The following FAP variants were observed in gnomAD, a reference collection of about 807,000 sequenced individuals.
The protein encoded by FAP is prolyl endopeptidase FAP.
In FAP, 110 loss-of-function variants were observed where a neutral mutation model predicts 126.5. That is an observed-to-expected ratio of 0.87 (90% CI 0.74 to 1.02). FAP has a LOEUF of 1.02. Ranked by LOEUF, FAP falls within the 50% of genes least tolerant of loss-of-function variation. FAP has a pLI of 0.00. For synonymous variants in FAP, 334 were observed against 297.3 expected (o/e 1.12, Z -1.27); for missense variants, 919 against 909.2 (o/e 1.01, Z -0.14).
intron 6 of FAP, among the ~76,000 whole-genome samples, chr2:162,221,241 G>A (rs1559787700): frequency 6.6e-6 from 1 of 152,114 alleles, no homozygotes; most frequent in Non-Finnish European, 1.5e-5. Context: ...CAAGAGCCCA[G>A]TTAAAAGATT....
intron 2 of FAP, among the ~76,000 whole-genome samples, chr2:162,236,229 T>A (rs931699883): frequency 2.6e-5 from 4 of 152,218 alleles, no homozygotes; most frequent in African/African-American, 9.6e-5. Flanking sequence ...AATTTTTGCA[T>A]CCATATTCAT....
intron 12 of FAP, among the ~76,000 whole-genome samples, chr2:162,204,408 G>A (rs1207451705): frequency 6.6e-6 from 1 of 152,190 alleles, no homozygotes; most frequent in Admixed American, 6.5e-5. Context: ...TTTTGGAAAT[G>A]GGGTCTTCGC....
At chr2:162,226,796 T>A (rs61641333) in intron 2 of FAP, among the ~76,000 whole-genome samples, 175 bp from the exon 3 acceptor site, 1 of 152,156 alleles carries the variant, frequency 6.6e-6, no homozygotes, top group African/African-American at 2.4e-5. Flanking sequence ...ATCTCCTTTT[T>A]TGTAGATACA....
Position 162,179,245 on chromosome 2 carries a change from G to GT in FAP, c.1869+4168dup, listed in dbSNP as rs10708873. ...TACTGTGTTAAACAAAACTTGACAG[G>GT]TTTTTTTTTTTTTTTTTTTGCTAGT... On this transcript the variant is annotated intron_variant, in intron 21 of 25. Transcript: ENST00000188790. Among the ~76,000 whole-genome samples, 883 of 108,812 alleles carry GT rather than the reference G, an allele frequency of 8.1e-3. 11 individuals carry two copies. The highest frequency in any genetic ancestry group is 0.025 in the African/African-American group (701 of 28,580). 71.4% of individuals were successfully genotyped at this position (108,812 alleles called of 152,430 possible).
chr2:162,171,100 G>A lies in FAP; in HGVS notation c.2182-20C>T. The stretch of plus-strand genomic sequence containing the variant: ...GTACCACTGAAACACAAAGAAAAAA[G>A]CTTGTTTTATTCCTGCAGTCATCAA... On this transcript the variant is annotated intron_variant, in intron 25 of 25. Transcript: ENST00000188790. The A allele has an allele frequency of 6.2e-7, 1 of 1,603,324 alleles. No homozygotes were observed. Among genetic ancestry groups the A allele is most frequent in the Non-Finnish European group, 8.5e-7 (1 of 1,171,476 alleles).
At position 162,230,563 on chromosome 2, in the gene FAP, C is replaced by T. The variant is rs142261222; in HGVS notation, c.92-3942G>A. Among the ~76,000 whole-genome samples the T allele has an allele frequency of 4.7e-3, 703 of 151,064 alleles. 8 individuals carry two copies. Among genetic ancestry groups the T allele is most frequent in the African/African-American group, 0.016 (663 of 41,228 alleles). ...AAACCAACTTGACAGATTTTGTGTT[C>T]GCTTGTTTTGAATAATTCCCCCGAG... On this transcript the variant is annotated intron_variant, in intron 2 of 25. Coordinates refer to ENST00000188790, the MANE Select transcript of FAP (RefSeq NM_004460.5).
intron 11 of FAP, among the ~76,000 whole-genome samples, chr2:162,212,429 T>C (rs1411165446): frequency 6.6e-6 from 1 of 152,220 alleles, no homozygotes; most frequent in Non-Finnish European, 1.5e-5. Context: ...CCTATGATAC[T>C]GTATTAAAGC....
intron 2 of FAP, among the ~76,000 whole-genome samples, chr2:162,230,240 G>A (rs1689841579): frequency 6.6e-6 from 1 of 152,000 alleles, no homozygotes; most frequent in Admixed American, 6.6e-5. Flanking sequence ...CCTTTGAGAT[G>A]GTGCATTAAG....
intron 20 of FAP, among the ~76,000 whole-genome samples, chr2:162,183,942 A>G (rs1421519930): frequency 6.6e-6 from 1 of 152,236 alleles, no homozygotes; most frequent in African/African-American, 2.4e-5. Flanking sequence ...AGAGAAATAT[A>G]CAACCGTCTT....
chr2:162,200,477 TA>T, intron 15 of FAP, 88 bp downstream of exon 15: 1 of 717,418 alleles, frequency 1.4e-6, no homozygotes, highest in Non-Finnish European at 2.4e-6. Context: ...TGCCATACTT[TA>T]AAAATATTTT....
chr2:162,199,257 A>G (rs1260482201), intron 15 of FAP, among the ~76,000 whole-genome samples: 1 of 152,222 alleles, frequency 6.6e-6, no homozygotes, highest in Admixed American at 6.5e-5. Context: ...CCATGGCAAA[A>G]CATAGCAAGA....
At chr2:162,223,475 A>G in intron 6 of FAP, 133 bp downstream of exon 6, 2 of 639,142 alleles carry the variant, frequency 3.1e-6, no homozygotes, top group Non-Finnish European at 2.8e-6. Flanking sequence ...GGGTACATAC[A>G]TACTGTATTA....
At chr2:162,187,738 G>C (rs1687907862) in intron 20 of FAP, among the ~76,000 whole-genome samples, 1 of 151,982 alleles carries the variant, frequency 6.6e-6, no homozygotes, top group South Asian at 2.1e-4. Flanking sequence ...ACAAATGAAG[G>C]CCTAACATCT....
At chr2:162,224,417 G>T in intron 5 of FAP, 49 bp downstream of exon 5, 4 of 1,121,022 alleles carry the variant, frequency 3.6e-6, no homozygotes, top group South Asian at 1.4e-5. Flanking sequence ...ACCACCTTGT[G>T]GATTAGTAGG....
chr2:162,199,875 C>T (rs964010202), intron 15 of FAP, among the ~76,000 whole-genome samples: 3 of 152,272 alleles, frequency 2.0e-5, no homozygotes, highest in South Asian at 4.1e-4. Context: ...TGTCCCTATT[C>T]GGGTGGAACT....
chr2:162,219,666 T>C (rs2106276705), intron 7 of FAP, among the ~76,000 whole-genome samples, 187 bp downstream of exon 7: 1 of 152,326 alleles, frequency 6.6e-6, no homozygotes, highest in Non-Finnish European at 1.5e-5. Context: ...AGTCTATCCA[T>C]GAGCTTGAGA....
At position 162,189,103 on chromosome 2, in the gene FAP, A is replaced by C; in HGVS notation, c.1619T>G (p.Val540Gly). The change falls in exon 19 of 26, where the codon GTG becomes GGG. Residue 540 changes from valine to glycine, a missense_variant and splice_region_variant. Physicochemically the swap from Val to Gly is moderately radical, Grantham distance 109 (BLOSUM62 -3). Coordinates refer to ENST00000188790, the MANE Select transcript of FAP (RefSeq NM_004460.5). ...TTACACCAAAGAAAATATTACATAC[A>C]CTTGAATTAGCAAGGGATACTTCTT... ...RSKKYPLLIQ[V>G]YGGPCSQSVR... The C allele has an allele frequency of 6.4e-7, 1 of 1,572,284 alleles. No homozygotes were observed. The highest frequency in any genetic ancestry group is 1.1e-5 in the South Asian group (1 of 88,318).
intron 6 of FAP, among the ~76,000 whole-genome samples, chr2:162,220,283 T>C (rs940774280): frequency 6.6e-6 from 1 of 152,354 alleles, no homozygotes. Flanking sequence ...AGAGAGCTGA[T>C]AGAACTTTTT....
Position 162,203,120 on chromosome 2 carries a change from C to A in FAP, c.1073G>T (p.Ser358Ile). 1 of 1,612,614 alleles carries A rather than the reference C, an allele frequency of 6.2e-7. No individual in the cohort carries two copies. The highest frequency in any genetic ancestry group is 8.5e-7 in the Non-Finnish European group (1 of 1,179,410). Reference sequence around the variant, plus strand: ...TTTGTAGTACGAAATGGCATCATAGCTGAAAACTGGTGTTGAAACAAAGAA... The same window carrying A: ...TTTGTAGTACGAAATGGCATCATAGATGAAAACTGGTGTTGAAACAAAGAA... ...GGFFVSTPVF[S>I]YDAISYYKIF... is the part of the protein sequence containing the mutation. Residue 358 changes from serine to isoleucine, a missense_variant, in exon 13 of 26, where the codon AGC becomes ATC. Coordinates refer to ENST00000188790, the MANE Select transcript of FAP (RefSeq NM_004460.5).
Sources: gnomAD v4.1 joint callset for allele counts (sites outside exome capture counted in the v4.1 genomes callset) on GRCh38, gnomAD v4.1.1 for gene constraint, MANE v1.5 for transcripts, NCBI Gene and HGNC (gene_info 2026-07-23, HGNC 2026-07-21) for gene names.